BBS9: variants seen among roughly 807,000 people sequenced by gnomAD.
BBS9 encodes protein PTHB1.
In BBS9, 89 loss-of-function variants were observed where a neutral mutation model predicts 117.7. The ratio of observed to expected loss-of-function variants is 0.76; its 90% CI spans 0.64 to 0.90. The LOEUF (loss-of-function observed/expected upper bound fraction) is 0.90. Ranked by LOEUF, BBS9 falls within the 40% of genes least tolerant of loss-of-function variation. The pLI is 0.00. For missense variants in BBS9, 982 were observed against 1,042.2 expected, an observed-to-expected ratio of 0.94 and a Z score of 0.80; for synonymous variants, 379 against 370.9, an observed-to-expected ratio of 1.02 and a Z score of -0.25.
At position 33,146,213 on chromosome 7, in the gene BBS9, G is replaced by A. The variant is rs767764566; in HGVS notation, c.-11-29G>A. 3.5e-5 allele frequency: 50 copies of A among 1,443,798 alleles called. 1 individual carries two copies. The Middle Eastern group carries it at 6.1e-3, about 175-fold the overall frequency. The allele number at this position is 1,443,798 out of a possible 1,614,324, so 89.4% of individuals were successfully genotyped here. ...CATAATTATTAGTTCATAGTGTGAAGTAGATTATTATAAATGTTTTCTTTT... is the reference window on the plus strand; with the variant it reads ...CATAATTATTAGTTCATAGTGTGAAATAGATTATTATAAATGTTTTCTTTT... On this transcript the variant is annotated intron_variant, in intron 1 of 22. Transcript: ENST00000242067.
intron 19 of BBS9, among the ~76,000 whole-genome samples, chr7:33,435,622 A>G (rs1835188557): frequency 1.3e-5 from 2 of 152,196 alleles, no homozygotes; most frequent in African/African-American, 4.8e-5. Flanking sequence ...ACTGAATTAA[A>G]TACCAAGCAT....
chr7:33,505,318 C>G lies in BBS9; in HGVS notation c.2116-145C>G, dbSNP rs1039517878. Reference sequence around the variant, plus strand: ...GGAAGTGAGCAGATGAATGATAACTCTTTTATTACTTAACATAGCTTGTGT... The same window carrying G: ...GGAAGTGAGCAGATGAATGATAACTGTTTTATTACTTAACATAGCTTGTGT... On this transcript the variant is annotated intron_variant, in intron 19 of 22. Transcript: ENST00000242067. 15 of 846,588 alleles carry G rather than the reference C, an allele frequency of 1.8e-5. No individual in the cohort carries two copies. In the Admixed American group the frequency reaches 2.6e-4, roughly 15 times the overall value. The allele number at this position is 846,588 out of a possible 1,614,324, so 52.4% of individuals were successfully genotyped here. A position where few individuals can be genotyped will look rare whatever the true frequency, so the allele number is the denominator to read the frequency against.
chr7:33,589,432 C>T lies in BBS9; in HGVS notation c.2522-15433C>T, dbSNP rs530208663. ...TGTGGTTGATTGCAGGTAACTTAAACTGCAGACAGCAAAACTGCAGATTAC... is the reference window on the plus strand; with the variant it reads ...TGTGGTTGATTGCAGGTAACTTAAATTGCAGACAGCAAAACTGCAGATTAC... On this transcript the variant is annotated intron_variant, in intron 21 of 22. Coordinates refer to ENST00000242067, the MANE Select transcript of BBS9 (RefSeq NM_198428.3). Among the ~76,000 whole-genome samples the T allele has an allele frequency of 2.2e-4, 33 of 152,184 alleles. No homozygotes were observed. In the South Asian group the frequency reaches 6.6e-3, roughly 31 times the overall value.
rs1371674283 is a variant in BBS9 at position 33,404,901 on chromosome 7, G to C, written c.2115+16757G>C. ...ACTATGTTGAATAGGAGTAGTGAGA[G>C]AGGGCATCCCTGTCTTGTGCCAGTT... is the stretch of plus-strand genomic sequence containing the variant. On this transcript the variant is annotated intron_variant, in intron 19 of 22. Transcript: ENST00000242067. 4.6e-5 allele frequency among the ~76,000 whole-genome samples: 7 copies of C among 152,258 alleles called. No individual in the cohort carries two copies. In the East Asian group the frequency reaches 1.4e-3, roughly 29 times the overall value.
At chr7:33,426,857 G>T (rs1310846175) in intron 19 of BBS9, among the ~76,000 whole-genome samples, 1 of 152,104 alleles carries the variant, frequency 6.6e-6, no homozygotes, top group African/African-American at 2.4e-5. Context: ...GGACTAGTCA[G>T]TGCCTTTGTT....
At chr7:33,430,393 A>G (rs894763795) in intron 19 of BBS9, among the ~76,000 whole-genome samples, 16 of 152,218 alleles carry the variant, frequency 1.1e-4, no homozygotes, top group Non-Finnish European at 2.1e-4. Flanking sequence ...TATAAATTCC[A>G]TGGACTCAGC....
At chr7:33,325,722 A>C (rs1377589513) in intron 9 of BBS9, among the ~76,000 whole-genome samples, 1 of 152,212 alleles carries the variant, frequency 6.6e-6, no homozygotes, top group African/African-American at 2.4e-5. Flanking sequence ...GAAGCCCAGT[A>C]ACACTGTGGC....
At chr7:33,616,493 G>GTATATATATATATATATATATATATA (rs66529823) in intron 21 of BBS9, among the ~76,000 whole-genome samples, 4 of 136,414 alleles carry the variant, frequency 2.9e-5, no homozygotes, top group East Asian at 2.2e-4. Flanking sequence ...GTGTGTGTGT[G>GTATATATATATATATATATATATATA]TATATATATA....
intron 19 of BBS9, among the ~76,000 whole-genome samples, chr7:33,407,034 A>T (rs894183009): frequency 6.6e-6 from 1 of 152,102 alleles, no homozygotes; most frequent in Non-Finnish European, 1.5e-5. Context: ...GATGTTTTCC[A>T]AGTTGGTTCC....
At chr7:33,620,727 A>G (rs1479623641) in intron 21 of BBS9, among the ~76,000 whole-genome samples, 1 of 152,198 alleles carries the variant, frequency 6.6e-6, no homozygotes, top group East Asian at 1.9e-4. Flanking sequence ...TCACAGAAAT[A>G]GAAAAATCAA....
intron 9 of BBS9, among the ~76,000 whole-genome samples, chr7:33,318,182 A>G (rs1275479796): frequency 1.3e-5 from 2 of 152,238 alleles, no homozygotes; most frequent in South Asian, 2.1e-4. Flanking sequence ...AATGGAGTCT[A>G]AAGAGCCTGA....
intron 5 of BBS9, among the ~76,000 whole-genome samples, chr7:33,227,625 C>G (rs1340131506): frequency 1.3e-5 from 2 of 151,994 alleles, no homozygotes; most frequent in African/African-American, 4.8e-5. Flanking sequence ...CAACCTTCCC[C>G]CTACCCCCAA....
At chr7:33,292,304 T>G (rs561666068) in intron 9 of BBS9, among the ~76,000 whole-genome samples, 38 of 152,178 alleles carry the variant, frequency 2.5e-4, no homozygotes, top group African/African-American at 7.9e-4. Context: ...CATAGCTCAC[T>G]GCAACCTCTG....
intron 19 of BBS9, among the ~76,000 whole-genome samples, chr7:33,443,101 A>C (rs867461269): frequency 2.0e-4 from 31 of 152,298 alleles, no homozygotes; most frequent in Middle Eastern, 3.4e-3. Flanking sequence ...AAAAATTATG[A>C]CTACTTTGTA....
intron 9 of BBS9, among the ~76,000 whole-genome samples, chr7:33,288,828 A>G (rs993038289): frequency 6.6e-6 from 1 of 152,224 alleles, no homozygotes; most frequent in African/African-American, 2.4e-5. Flanking sequence ...ATATTAACAT[A>G]TTTAATTCTA....
At chr7:33,167,156 G>A (rs1197120267) in intron 4 of BBS9, among the ~76,000 whole-genome samples, 2 of 152,178 alleles carry the variant, frequency 1.3e-5, no homozygotes, top group African/African-American at 2.4e-5. Flanking sequence ...GCTTAATGTT[G>A]GACTTAATGT....
intron 4 of BBS9, among the ~76,000 whole-genome samples, chr7:33,168,919 CA>C (rs199844736): frequency 0.037 from 5,615 of 152,122 alleles, 139 homozygotes; most frequent in South Asian, 0.076. Context: ...ACTAACTCAT[CA>C]TCTAGCATTA....
At chr7:33,579,095 G>T (rs752623335) in intron 21 of BBS9, among the ~76,000 whole-genome samples, 5 of 152,176 alleles carry the variant, frequency 3.3e-5, no homozygotes, top group Non-Finnish European at 7.3e-5. Context: ...TTGGCCCTAA[G>T]TCCTGACAAC....
At chr7:33,282,930 C>A (rs1325009832) in intron 9 of BBS9, among the ~76,000 whole-genome samples, 3 of 152,106 alleles carry the variant, frequency 2.0e-5, no homozygotes, top group Admixed American at 6.6e-5. Context: ...CTTATATTTT[C>A]TTCCTCTCTT....
Sources: allele counts gnomAD v4.1 joint callset (sites outside exome capture counted in the v4.1 genomes callset), GRCh38; gene constraint gnomAD v4.1.1; transcripts MANE v1.5; gene names NCBI Gene and HGNC (gene_info 2026-07-23, HGNC 2026-07-21).